ANXA10: variants seen among roughly 807,000 people sequenced by gnomAD.
ANXA10 encodes annexin A10.
A neutral mutation model predicts 53.5 loss-of-function variants in ANXA10; 49 were observed. The observed-to-expected ratio is 0.92, with a 90% CI of 0.73 to 1.16. The LOEUF is 1.16. ANXA10 is among the 50% of genes most tolerant of loss of function. ANXA10 has a pLI of 0.00. For missense variants in ANXA10, 393 were observed against 394.4 expected (o/e 1.00, Z 0.03); for synonymous variants, 131 against 128.9 (o/e 1.02, Z -0.11).
chr4:168,104,990 G>A (rs891103569), intron 1 of ANXA10, among the ~76,000 whole-genome samples: 1 of 151,938 alleles, frequency 6.6e-6, no homozygotes, highest in African/African-American at 2.4e-5. Context: ...AAACATATGA[G>A]TATTAAAAGT....
At chr4:168,167,794 C>CT (rs1578930718) in intron 6 of ANXA10, among the ~76,000 whole-genome samples, 2 of 152,172 alleles carry the variant, frequency 1.3e-5, no homozygotes, top group Admixed American at 1.3e-4. Flanking sequence ...TCATTTATGC[C>CT]TTTTTTATTT....
At chr4:168,165,920 G>T (rs572891055) in intron 6 of ANXA10, among the ~76,000 whole-genome samples, 1 of 151,968 alleles carries the variant, frequency 6.6e-6, no homozygotes, top group East Asian at 1.9e-4. Context: ...CAGGTGATCC[G>T]CCTGCCTCAG....
intron 2 of ANXA10, among the ~76,000 whole-genome samples, chr4:168,131,306 T>C (rs894862957): frequency 6.6e-6 from 1 of 152,068 alleles, no homozygotes; most frequent in Non-Finnish European, 1.5e-5. Flanking sequence ...TACTGATTTC[T>C]AGTTTAATTT....
At chr4:168,127,217 T>C (rs979201578) in intron 1 of ANXA10, among the ~76,000 whole-genome samples, 8 of 152,148 alleles carry the variant, frequency 5.3e-5, no homozygotes, top group African/African-American at 1.9e-4. Context: ...TAATGCACCA[T>C]GTGGATCACA....
At chr4:168,125,508 C>T (rs1447035581) in intron 1 of ANXA10, among the ~76,000 whole-genome samples, 1 of 152,096 alleles carries the variant, frequency 6.6e-6, no homozygotes, top group Non-Finnish European at 1.5e-5. Flanking sequence ...AGAAAAAGTA[C>T]TCAAATGTGG....
chr4:168,105,316 G>T (rs1481570623), intron 1 of ANXA10, among the ~76,000 whole-genome samples: 1 of 151,758 alleles, frequency 6.6e-6, no homozygotes, highest in Non-Finnish European at 1.5e-5. Flanking sequence ...CCTTCTATAT[G>T]TCCATGTGTT....
At chr4:168,133,388 T>A (rs1731185561) in intron 2 of ANXA10, among the ~76,000 whole-genome samples, 1 of 152,094 alleles carries the variant, frequency 6.6e-6, no homozygotes, top group Non-Finnish European at 1.5e-5. Context: ...TATTCTATGT[T>A]ATGAAGTATG....
Position 168,122,857 on chromosome 4 carries a change from A to G in ANXA10, c.19-5227A>G, listed in dbSNP as rs113722181. ...CCCCACCTCCAACACTGGAGCCCAC[A>G]TTTCAACAGGAGATTTGGAGGGGAC... On this transcript the variant is annotated intron_variant, in intron 1 of 11. Transcript: ENST00000359299. 2.7e-3 allele frequency among the ~76,000 whole-genome samples: 415 copies of G among 152,224 alleles called. 3 individuals carry two copies. Among genetic ancestry groups the G allele is most frequent in the African/African-American group, 9.1e-3 (379 of 41,536 alleles).
intron 3 of ANXA10, among the ~76,000 whole-genome samples, chr4:168,150,230 A>G (rs995518350): frequency 1.1e-4 from 17 of 152,136 alleles, no homozygotes; most frequent in Non-Finnish European, 2.5e-4. Flanking sequence ...GATTTAATAT[A>G]CCATGTGTGT....
chr4:168,166,170 G>C (rs1201561626), intron 6 of ANXA10, among the ~76,000 whole-genome samples: 1 of 152,146 alleles, frequency 6.6e-6, no homozygotes, highest in African/African-American at 2.4e-5. Context: ...TAAAGTTCTA[G>C]CTCTATGATT....
At chr4:168,105,824 A>T (rs1300952735) in intron 1 of ANXA10, among the ~76,000 whole-genome samples, 4 of 152,076 alleles carry the variant, frequency 2.6e-5, no homozygotes, top group Non-Finnish European at 5.9e-5. Flanking sequence ...TTGGTGTGAG[A>T]TGATATCTTA....
At chr4:168,136,240 C>A (rs939980764) in intron 2 of ANXA10, among the ~76,000 whole-genome samples, 1 of 152,060 alleles carries the variant, frequency 6.6e-6, no homozygotes, top group African/African-American at 2.4e-5. Context: ...CTGCCCCTGT[C>A]CCCCCACAAA....
intron 2 of ANXA10, among the ~76,000 whole-genome samples, chr4:168,136,714 C>T (rs751178350): frequency 1.3e-5 from 2 of 152,198 alleles, no homozygotes; most frequent in South Asian, 4.1e-4. Context: ...TTTCCAGGTG[C>T]ATGGTGCAAG....
chr4:168,166,408 T>A (rs906058068), intron 6 of ANXA10, among the ~76,000 whole-genome samples: 4 of 152,216 alleles, frequency 2.6e-5, no homozygotes, highest in Non-Finnish European at 4.4e-5. Flanking sequence ...ATATTCCACA[T>A]ATTAGCATTG....
chr4:168,092,782 AT>A, intron 1 of ANXA10, 64 bp downstream of exon 1: 1 of 1,425,800 alleles, frequency 7.0e-7, no homozygotes, highest in African/African-American at 1.5e-5. Flanking sequence ...ATAAAATTTC[AT>A]TTGTGTTTTT....
chr4:168,123,143 TG>T (rs1190194309), intron 1 of ANXA10, among the ~76,000 whole-genome samples: 1 of 152,180 alleles, frequency 6.6e-6, no homozygotes, highest in Non-Finnish European at 1.5e-5. Flanking sequence ...ACCCTGAGCA[TG>T]CAATGTGGAG....
intron 1 of ANXA10, among the ~76,000 whole-genome samples, chr4:168,122,034 C>T (rs7665767): frequency 3.3e-5 from 5 of 151,578 alleles, no homozygotes; most frequent in African/African-American, 1.2e-4. Flanking sequence ...GTACAGATGG[C>T]GTTTCACCAT....
At chr4:168,159,171 T>C (rs1731739732) in intron 3 of ANXA10, among the ~76,000 whole-genome samples, 1 of 152,194 alleles carries the variant, frequency 6.6e-6, no homozygotes, top group African/African-American at 2.4e-5. Flanking sequence ...CTTTCCTCCT[T>C]ATACTGCTAA....
intron 1 of ANXA10, among the ~76,000 whole-genome samples, chr4:168,096,505 T>TA (rs958506667): frequency 5.3e-5 from 8 of 152,166 alleles, no homozygotes; most frequent in African/African-American, 1.9e-4. Context: ...TGTAAATTTT[T>TA]AAAAATATAC....
Sources: gnomAD v4.1 joint callset for allele counts (sites outside exome capture counted in the v4.1 genomes callset) on GRCh38, gnomAD v4.1.1 for gene constraint, MANE v1.5 for transcripts, NCBI Gene and HGNC (gene_info 2026-07-23, HGNC 2026-07-21) for gene names.